Variants in MARCO observed in about 807,000 individuals in gnomAD.
MARCO encodes the protein macrophage receptor with collagenous structure.
A neutral mutation model predicts 70.0 loss-of-function variants in MARCO; 72 were observed. The observed-to-expected ratio is 1.03, with a 90% CI of 0.85 to 1.25. The LOEUF (loss-of-function observed/expected upper bound fraction) is 1.25. Among genes scored for constraint, MARCO ranks in the 50% most tolerant of loss-of-function variants. The probability of loss-of-function intolerance (pLI) is 0.00; values close to 1 mark genes in which losing one functional copy is unlikely to be tolerated. For synonymous variants in MARCO, 273 were observed against 243.1 expected, an observed-to-expected ratio of 1.12 and a Z score of -1.14; for missense variants, 696 against 659.3, an observed-to-expected ratio of 1.06 and a Z score of -0.61.
At chr2:118,955,160 G>A (rs1186382284) in intron 1 of MARCO, among the ~76,000 whole-genome samples, 2 of 152,038 alleles carry the variant, frequency 1.3e-5, no homozygotes, top group East Asian at 3.9e-4. Context: ...ATCAGGGAGG[G>A]ACCAGGGAAA....
Position 118,994,516 on chromosome 2 carries a change from T to C in MARCO, c.1559T>C (p.Val520Ala). ...HEEDAGVECS[V>A] ...GAGGACGCAGGCGTGGAGTGCAGCG[T>C]CTGACCCGGAAACCCTTTCACTTCT... The change falls in exon 17 of 17, where the codon GTC becomes GCC. Residue 520 changes from valine to alanine, a missense_variant. Coordinates refer to ENST00000327097, the MANE Select transcript of MARCO (RefSeq NM_006770.4). 1.3e-6 allele frequency: 2 copies of C among 1,587,306 alleles called. No homozygotes were observed. Among genetic ancestry groups the C allele is most frequent in the African/African-American group, 1.3e-5 (1 of 74,238 alleles).
intron 12 of MARCO, among the ~76,000 whole-genome samples, chr2:118,984,807 G>T (rs1369547858): frequency 6.6e-6 from 1 of 152,208 alleles, no homozygotes; most frequent in African/African-American, 2.4e-5. Context: ...GTCAATGTCA[G>T]GATGTCGGTA....
intron 10 of MARCO, 136 bp downstream of exon 10, chr2:118,981,792 C>A: frequency 2.2e-6 from 2 of 927,680 alleles, no homozygotes; most frequent in Non-Finnish European, 3.4e-6. Flanking sequence ...AGACATCTGG[C>A]CCTGGCCAAG....
intron 1 of MARCO, among the ~76,000 whole-genome samples, chr2:118,952,098 C>T (rs939495764): frequency 2.0e-5 from 3 of 152,152 alleles, no homozygotes; most frequent in African/African-American, 7.2e-5. Context: ...TTACCCCTTT[C>T]TTACCTCTTT....
chr2:118,966,808 A>T (rs911872407), intron 1 of MARCO, among the ~76,000 whole-genome samples: 1 of 152,094 alleles, frequency 6.6e-6, no homozygotes, highest in African/African-American at 2.4e-5. Context: ...CTGTCCAAAA[A>T]CAGTGCTGTC....
intron 1 of MARCO, among the ~76,000 whole-genome samples, chr2:118,945,165 C>G (rs1190492982): frequency 6.6e-6 from 1 of 152,052 alleles, no homozygotes; most frequent in Non-Finnish European, 1.5e-5. Flanking sequence ...CTCTTTTGCC[C>G]CATCATCCAC....
In MARCO at chr2:118,970,333, A is replaced by G. The variant is rs201601376; in HGVS notation, c.419A>G (p.Asn140Ser). 2.9e-5 allele frequency: 46 copies of G among 1,611,166 alleles called. No homozygotes were observed. The East Asian group carries it at 9.8e-4, about 34-fold the overall frequency. ...CAGCGGGTAGACAACTTCACTCAGAACCCAGGTTTGGCCTCCTCCCCTCTG... is the reference window on the plus strand; with the variant it reads ...CAGCGGGTAGACAACTTCACTCAGAGCCCAGGTTTGGCCTCCTCCCCTCTG... The part of the protein sequence containing the change: ...LLQRVDNFTQ[N>S]PGMFRIKGEQ... Residue 140 changes from asparagine to serine, a missense_variant, in exon 3 of 17, where the codon AAC (asparagine) becomes AGC (serine). Asn to Ser is a conservative substitution (Grantham distance 46). Coordinates refer to ENST00000327097, the MANE Select transcript of MARCO (RefSeq NM_006770.4).
At chr2:118,970,065 A>G in intron 2 of MARCO, 49 bp from the exon 3 acceptor site, 2 of 1,456,428 alleles carry the variant, frequency 1.4e-6, no homozygotes, top group South Asian at 2.3e-5. Flanking sequence ...TGTCAGGGAT[A>G]TGCTCAAATG....
At chr2:118,989,477 C>T (rs1573409860) in intron 12 of MARCO, among the ~76,000 whole-genome samples, 3 of 152,334 alleles carry the variant, frequency 2.0e-5, no homozygotes, top group East Asian at 3.9e-4. Flanking sequence ...CCCTCCTCCC[C>T]AGGCAGCACC....
At chr2:118,954,578 T>C (rs760314438) in intron 1 of MARCO, among the ~76,000 whole-genome samples, 25 of 152,152 alleles carry the variant, frequency 1.6e-4, no homozygotes, top group Admixed American at 1.6e-3. Context: ...AGCTGATGCT[T>C]TCTGGAAATT....
intron 8 of MARCO, among the ~76,000 whole-genome samples, chr2:118,979,625 G>A (rs574481972): frequency 3.6e-4 from 55 of 152,288 alleles, no homozygotes; most frequent in African/African-American, 1.2e-3. Flanking sequence ...ACAAAGGCAC[G>A]CATAGAATCC....
At chr2:118,971,583 C>G (rs939609235) in intron 4 of MARCO, 49 bp downstream of exon 4, 2 of 1,598,100 alleles carry the variant, frequency 1.3e-6, no homozygotes, top group Non-Finnish European at 8.6e-7. Flanking sequence ...CCAAAACCTC[C>G]CCAAAAGGGC....
rs532017318 is a variant in MARCO at position 118,974,508 on chromosome 2, C to T, written c.569-13C>T. On this transcript the variant is annotated splice_polypyrimidine_tract_variant and intron_variant, in intron 5 of 16. Transcript: ENST00000327097. ...CTTCTCTGGCTTCACTCTGAATTCC[C>T]TTTCCCTTCCAGGCCCCTCGGGACC... The T allele has an allele frequency of 5.0e-6, 8 of 1,613,860 alleles. No individual in the cohort carries two copies. In the African/African-American group the frequency reaches 9.3e-5, roughly 19 times the overall value.
chr2:118,978,842 T>C (rs556251887), intron 8 of MARCO, among the ~76,000 whole-genome samples: 1 of 152,264 alleles, frequency 6.6e-6, no homozygotes, highest in Admixed American at 6.5e-5. Flanking sequence ...CTAGTAATAG[T>C]AATAGTATTA....
In MARCO at chr2:118,969,251, G is replaced by T; in HGVS notation, c.189G>T (p.Leu63=). The change falls in exon 2 of 17, where the codon CTG becomes CTT. Residue 63 remains leucine (L), a synonymous_variant. Coordinates refer to ENST00000327097, the MANE Select transcript of MARCO (RefSeq NM_006770.4). ...LILLTAGAGL[L]VVQVLNLQAR... ...TGCTCACCGCTGGCGCTGGGCTGCT[G>T]GTGGTCCAAGGTAAAGCAGGCTTGG... 1 of 1,613,984 alleles carries T rather than the reference G, an allele frequency of 6.2e-7. No individual in the cohort carries two copies. Among genetic ancestry groups the T allele is most frequent in the Non-Finnish European group, 8.5e-7 (1 of 1,179,836 alleles).
chr2:118,945,079 C>T (rs1041440918), intron 1 of MARCO, among the ~76,000 whole-genome samples: 1 of 152,108 alleles, frequency 6.6e-6, no homozygotes, highest in Non-Finnish European at 1.5e-5. Flanking sequence ...CCTGAGGGGA[C>T]TTGACATAGG....
At position 118,974,521 on chromosome 2, in the gene MARCO, GCC is replaced by G. The variant is rs1296527715; in HGVS notation, c.572_573del (p.Pro191LeufsTer55). The G allele has an allele frequency of 3.7e-6, 6 of 1,613,764 alleles. No individual in the cohort carries two copies. The highest frequency in any genetic ancestry group is 4.2e-6 in the Non-Finnish European group (5 of 1,179,970). On this transcript the variant is annotated frameshift_variant and splice_region_variant, in exon 6 of 17. Coordinates refer to ENST00000327097, the MANE Select transcript of MARCO (RefSeq NM_006770.4). LOFTEE classifies it high-confidence loss of function. ...ACTCTGAATTCCCTTTCCCTTCCAG[GCC>G]CCTCGGGACCCCAAGGCCCACCGGG...
chr2:118,967,699 C>A (rs1352561550), intron 1 of MARCO, among the ~76,000 whole-genome samples: 1 of 152,100 alleles, frequency 6.6e-6, no homozygotes, highest in Non-Finnish European at 1.5e-5. Context: ...AGCAGGGGTC[C>A]CTGCTGTGCG....
rs116522319 is a variant in MARCO at position 118,950,916 on chromosome 2, G to A, written c.97+8519G>A. On this transcript the variant is annotated intron_variant, in intron 1 of 16. Transcript: ENST00000327097. ...AAGTTAGGATAATACATATGACACT[G>A]TTAATATTTAGCAAATTTTACTTTT... Among the ~76,000 whole-genome samples the A allele has an allele frequency of 3.5e-3, 537 of 152,172 alleles. 1 individual carries two copies. The highest frequency in any genetic ancestry group is 0.013 in the African/African-American group (519 of 41,510).
Sources: gnomAD v4.1 joint callset for allele counts (sites outside exome capture counted in the v4.1 genomes callset) on GRCh38, gnomAD v4.1.1 for gene constraint, MANE v1.5 for transcripts, NCBI Gene and HGNC (gene_info 2026-07-23, HGNC 2026-07-21) for gene names.